The following ADAMTS9 variants were observed in gnomAD, a reference collection of about 807,000 sequenced individuals.
ADAMTS9 encodes the protein ADAM metallopeptidase with thrombospondin type 1 motif 9, also known as A disintegrin and metalloproteinase with thrombospondin motifs 9.
ADAMTS9 carries 107 observed loss-of-function variants against 257.1 expected under a neutral mutation model. The observed-to-expected ratio is 0.42, with a 90% CI of 0.36 to 0.49. The LOEUF is 0.49. Among genes scored for constraint, ADAMTS9 ranks in the 20% least tolerant of loss-of-function variants. The pLI, the probability that ADAMTS9 is intolerant of heterozygous loss-of-function variation, is 0.03. For missense variants in ADAMTS9, 2,353 were observed against 2,469.1 expected, an observed-to-expected ratio of 0.95 and a Z score of 1.00; for synonymous variants, 982 against 880.9, an observed-to-expected ratio of 1.11 and a Z score of -2.03.
Position 64,596,981 on chromosome 3 carries a change from G to C in ADAMTS9, c.4028C>G (p.Thr1343Ser). 1 of 1,613,788 alleles carries C rather than the reference G, an allele frequency of 6.2e-7. No individual in the cohort carries two copies. The highest frequency in any genetic ancestry group is 1.1e-5 in the South Asian group (1 of 91,066). Residue 1343 changes from threonine (T) to serine (S), a missense_variant, in exon 27 of 40, where the codon ACC becomes AGC. Thr to Ser is a moderately conservative substitution (Grantham distance 58). Transcript: ENST00000498707. ...ACGCCGCTGGGATCCGCCAGCACAG[G>C]TACTGGAACACTAAACACATCAGTC... ...RTGPWGACSS[T>S]CAGGSQRRVV...
intron 32 of ADAMTS9, among the ~76,000 whole-genome samples, chr3:64,543,640 G>A (rs2083156728): frequency 6.6e-6 from 1 of 152,178 alleles, no homozygotes; most frequent in Admixed American, 6.6e-5. Context: ...AGCTATATAT[G>A]ACAAACCCAC....
chr3:64,593,802 C>T (rs1308193311), intron 28 of ADAMTS9, among the ~76,000 whole-genome samples: 2 of 152,034 alleles, frequency 1.3e-5, no homozygotes, highest in Non-Finnish European at 2.9e-5. Context: ...GAGCTGTACC[C>T]GAGTCACACA....
chr3:64,664,969 C>G (rs1182340096), intron 3 of ADAMTS9, among the ~76,000 whole-genome samples: 4 of 152,122 alleles, frequency 2.6e-5, no homozygotes, highest in Non-Finnish European at 4.4e-5. Context: ...AAAAATTAAT[C>G]ATGTTTACTT....
chr3:64,607,162 G>T (rs2084570614), intron 22 of ADAMTS9, 83 bp from the exon 23 acceptor site: 1 of 1,561,968 alleles, frequency 6.4e-7, no homozygotes, highest in Middle Eastern at 2.0e-4. Context: ...CTGCAAGAGA[G>T]AAATACTTCC....
intron 30 of ADAMTS9, among the ~76,000 whole-genome samples, chr3:64,552,542 G>T (rs1479822357): frequency 1.3e-5 from 2 of 151,160 alleles, no homozygotes; most frequent in Admixed American, 1.3e-4. Flanking sequence ...GATTTTTGTT[G>T]TGTGGTCAGA....
rs530522114 is a variant in ADAMTS9 at position 64,559,292 on chromosome 3, T to C, written c.4698+2286A>G. On this transcript the variant is annotated intron_variant, in intron 30 of 39. Coordinates refer to ENST00000498707, the MANE Select transcript of ADAMTS9 (RefSeq NM_182920.2). Reference sequence around the variant, plus strand: ...CATGTATGGGAAACATGAAGACTTTTGGTGGGGCTTCTCCCCACCTCCAGC... The same window carrying C: ...CATGTATGGGAAACATGAAGACTTTCGGTGGGGCTTCTCCCCACCTCCAGC... Among the ~76,000 whole-genome samples, 4 of 152,276 alleles carry C rather than the reference T, an allele frequency of 2.6e-5. No individual in the cohort carries two copies. In the East Asian group the frequency reaches 7.7e-4, roughly 29 times the overall value.
At chr3:64,521,271 G>A (rs1465774817) in intron 39 of ADAMTS9, among the ~76,000 whole-genome samples, 2 of 152,074 alleles carry the variant, frequency 1.3e-5, no homozygotes, top group African/African-American at 4.8e-5. Flanking sequence ...CAATCAGAAT[G>A]GCGATTCTTA....
intron 22 of ADAMTS9, among the ~76,000 whole-genome samples, chr3:64,609,511 A>T (rs567657143): frequency 6.5e-4 from 99 of 151,510 alleles, no homozygotes; most frequent in African/African-American, 2.4e-3. Context: ...AGTAAATTTA[A>T]AAAAAAAAAT....
Position 64,633,493 on chromosome 3 carries a change from G to A in ADAMTS9, c.2154C>T (p.Ile718=). ...TTACCCGGCAAAGGCCCTGGACACA[G>A]ATATCATTTGTGTCCTGGCCACAAG... ...GTPCGQDTND[I]CVQGLCRQAG... is the part of the protein sequence containing the mutation. The change falls in exon 14 of 40, where the codon ATC becomes ATT. Residue 718 remains isoleucine, a synonymous_variant. Transcript: ENST00000498707. 3 of 1,614,088 alleles carry A rather than the reference G, an allele frequency of 1.9e-6. No individual in the cohort carries two copies. The highest frequency in any genetic ancestry group is 2.5e-6 in the Non-Finnish European group (3 of 1,179,990).
intron 37 of ADAMTS9, among the ~76,000 whole-genome samples, chr3:64,535,410 A>G (rs925590504): frequency 6.6e-6 from 1 of 152,088 alleles, no homozygotes; most frequent in Non-Finnish European, 1.5e-5. Context: ...TTTTATGACA[A>G]TATGCTACAG....
intron 28 of ADAMTS9, among the ~76,000 whole-genome samples, chr3:64,571,041 A>G (rs1338881014): frequency 1.3e-5 from 2 of 152,218 alleles, no homozygotes; most frequent in Non-Finnish European, 2.9e-5. Context: ...CAGTCACTTC[A>G]ATATACAAAT....
intron 12 of ADAMTS9, among the ~76,000 whole-genome samples, chr3:64,634,707 G>A (rs1310734738): frequency 6.6e-6 from 1 of 152,146 alleles, no homozygotes; most frequent in African/African-American, 2.4e-5. Context: ...GGACGTTGGG[G>A]CTCACTCACC....
chr3:64,591,630 G>A (rs2084260476), intron 28 of ADAMTS9, among the ~76,000 whole-genome samples: 1 of 152,140 alleles, frequency 6.6e-6, no homozygotes, highest in Admixed American at 6.6e-5. Flanking sequence ...TAGGTTCACA[G>A]AAGCTTCATT....
Position 64,658,615 on chromosome 3 carries a change from T to C in ADAMTS9, c.856A>G (p.Lys286Glu). The stretch of plus-strand genomic sequence containing the variant: ...AACCGTGGATAGGATAAAAAACGTT[T>C]TGTCCTTCTGTGGGTCCTCTTTTCT... The part of the protein sequence containing the change: ...TREKRTHRRT[K>E]RFLSYPRFVE... Residue 286 changes from lysine to glutamate, a missense_variant, in exon 4 of 40, where the codon AAA becomes GAA. Transcript: ENST00000498707. 1.2e-6 allele frequency: 2 copies of C among 1,614,128 alleles called. No homozygotes were observed. Among genetic ancestry groups the C allele is most frequent in the Non-Finnish European group, 1.7e-6 (2 of 1,180,014 alleles).
chr3:64,575,171 G>A lies in ADAMTS9; in HGVS notation c.4357-6636C>T, dbSNP rs780332847. Among the ~76,000 whole-genome samples the A allele has an allele frequency of 2.0e-4, 31 of 152,168 alleles. 1 individual carries two copies. The highest frequency in any genetic ancestry group is 2.0e-3 in the Admixed American group (31 of 15,278). On this transcript the variant is annotated intron_variant, in intron 28 of 39. Coordinates refer to ENST00000498707, the MANE Select transcript of ADAMTS9 (RefSeq NM_182920.2). The stretch of plus-strand genomic sequence containing the variant: ...TGAATGCTCTTTACACGGTCAAGAA[G>A]GGAAGGCTGCAGGTTGTAAATTTTG...
intron 12 of ADAMTS9, among the ~76,000 whole-genome samples, chr3:64,641,477 C>G (rs1417291634): frequency 3.4e-5 from 4 of 117,256 alleles, no homozygotes; most frequent in Non-Finnish European, 6.9e-5. Context: ...CCCCGCCCCC[C>G]ACCCCACAAC....
chr3:64,632,022 C>T (rs933061526), intron 14 of ADAMTS9, 97 bp from the exon 15 acceptor site: 67 of 876,908 alleles, frequency 7.6e-5, no homozygotes, highest in Admixed American at 3.3e-4. Flanking sequence ...CTAAAAATGA[C>T]AAGAAAGTCA....
At chr3:64,655,740 A>C in intron 5 of ADAMTS9, 49 bp from the exon 6 acceptor site, 1 of 1,582,744 alleles carries the variant, frequency 6.3e-7, no homozygotes. Context: ...GATCCCAATT[A>C]GATATGCCAT....
In ADAMTS9 at chr3:64,631,794, G is replaced by A. The variant is rs367819521; in HGVS notation, c.2293+14C>T. ...CCATATTCCTTCTCATGGTTCTTAG[G>A]AGCAGATTCTTACCATAATGTACTG... On this transcript the variant is annotated intron_variant, in intron 15 of 39. Coordinates refer to ENST00000498707, the MANE Select transcript of ADAMTS9 (RefSeq NM_182920.2). The A allele has an allele frequency of 7.1e-4, 1,138 of 1,592,348 alleles. 2 individuals are homozygous for A. The highest frequency in any genetic ancestry group is 5.5e-3 in the Middle Eastern group (33 of 6,032).
Sources: gnomAD v4.1 joint callset for allele counts (sites outside exome capture counted in the v4.1 genomes callset) on GRCh38, gnomAD v4.1.1 for gene constraint, MANE v1.5 for transcripts, NCBI Gene and HGNC (gene_info 2026-07-23, HGNC 2026-07-21) for gene names.